Variants in ADGRL4 observed in about 807,000 individuals in gnomAD.
ADGRL4 encodes adhesion G protein-coupled receptor L4, also known as EGF, latrophilin and seven transmembrane domain containing 1.
ADGRL4 carries 90 observed loss-of-function variants against 74.8 expected under a neutral mutation model. That is an observed-to-expected ratio of 1.20 (90% CI 1.02 to 1.43). The LOEUF is 1.43. Ranked by LOEUF, ADGRL4 falls within the 40% of genes most tolerant of loss-of-function variation. The probability of loss-of-function intolerance (pLI) is 0.00; values close to 1 mark genes in which losing one functional copy is unlikely to be tolerated. For missense variants in ADGRL4, 881 were observed against 814.3 expected (o/e 1.08, Z -1.00); for synonymous variants, 311 against 279.2 (o/e 1.11, Z -1.14).
chr1:78,933,622 A>G (rs1056481634), intron 7 of ADGRL4, among the ~76,000 whole-genome samples: 12 of 151,390 alleles, frequency 7.9e-5, no homozygotes, highest in Non-Finnish European at 1.6e-4. Context: ...TTCAAATAGG[A>G]AGAGAGGAAG....
chr1:78,901,267 A>G (rs1265477656), intron 12 of ADGRL4, among the ~76,000 whole-genome samples: 1 of 152,174 alleles, frequency 6.6e-6, no homozygotes, highest in Non-Finnish European at 1.5e-5. Flanking sequence ...TGATCTTTTT[A>G]TAATCTGAGG....
intron 2 of ADGRL4, among the ~76,000 whole-genome samples, chr1:78,974,637 G>T (rs1650241448): frequency 6.6e-6 from 1 of 152,074 alleles, no homozygotes; most frequent in Admixed American, 6.6e-5. Context: ...GTGTCAGCTG[G>T]GTTGACCTCT....
At chr1:78,919,113 A>T (rs1356309596) in intron 10 of ADGRL4, among the ~76,000 whole-genome samples, 1 of 152,010 alleles carries the variant, frequency 6.6e-6, no homozygotes, top group Non-Finnish European at 1.5e-5. Flanking sequence ...TCTAGTGTAT[A>T]CTATTTAAAA....
At chr1:78,983,319 G>T (rs1231906672) in intron 2 of ADGRL4, among the ~76,000 whole-genome samples, 6 of 151,724 alleles carry the variant, frequency 4.0e-5, no homozygotes, top group African/African-American at 1.2e-4. Flanking sequence ...AGACTTATTG[G>T]ATATAGAATA....
chr1:78,955,196 C>T (rs990664326), intron 2 of ADGRL4, among the ~76,000 whole-genome samples: 3 of 152,004 alleles, frequency 2.0e-5, no homozygotes, highest in Non-Finnish European at 2.9e-5. Context: ...TTACTGAGTA[C>T]AGAACCCTCT....
At position 78,922,155 on chromosome 1, in the gene ADGRL4, C is replaced by T. The variant is rs566054603; in HGVS notation, c.1084-369G>A. On this transcript the variant is annotated intron_variant, in intron 8 of 14. Coordinates refer to ENST00000370742, the MANE Select transcript of ADGRL4 (RefSeq NM_022159.4). Reference sequence around the variant, plus strand: ...TGAACAAAACAGAAAAAGTTGTTTGCATTGTTGACATTAAATTCTAGTTAG... The same window carrying T: ...TGAACAAAACAGAAAAAGTTGTTTGTATTGTTGACATTAAATTCTAGTTAG... Among the ~76,000 whole-genome samples the T allele has an allele frequency of 3.9e-5, 6 of 152,062 alleles. No individual in the cohort carries two copies. In the South Asian group the frequency reaches 1.2e-3, roughly 32 times the overall value.
intron 12 of ADGRL4, among the ~76,000 whole-genome samples, chr1:78,904,374 A>G (rs899321462): frequency 2.0e-5 from 3 of 152,078 alleles, no homozygotes; most frequent in African/African-American, 7.2e-5. Context: ...TAAAAAAATG[A>G]AATGCTAATA....
chr1:79,001,911 TAATTA>T (rs1650852362), intron 2 of ADGRL4, among the ~76,000 whole-genome samples: 1 of 152,150 alleles, frequency 6.6e-6, no homozygotes. Context: ...TGATATCTTT[TAATTA>T]TTGTTTTTCT....
chr1:78,922,623 A>G (rs535254987), intron 8 of ADGRL4, among the ~76,000 whole-genome samples: 2 of 151,990 alleles, frequency 1.3e-5, no homozygotes, highest in Non-Finnish European at 2.9e-5. Context: ...AGAAATAAAA[A>G]CTATTTAGTT....
intron 2 of ADGRL4, among the ~76,000 whole-genome samples, chr1:78,982,711 A>G (rs1438360244): frequency 6.6e-6 from 1 of 151,928 alleles, no homozygotes; most frequent in Non-Finnish European, 1.5e-5. Flanking sequence ...TAGAAGATAA[A>G]ACAGCATACT....
Position 78,946,427 on chromosome 1 carries a change from C to A in ADGRL4, c.173-1G>T. 1 of 1,600,546 alleles carries A rather than the reference C, an allele frequency of 6.2e-7. No individual in the cohort carries two copies. On this transcript the variant is annotated splice_acceptor_variant, in intron 2 of 14. Transcript: ENST00000370742. LOFTEE classifies it high-confidence loss of function. ...GTTAAATTTCCACATTCATTATCAT[C>A]TGTTGGCATATGAATTTAAAAGATT... is the stretch of plus-strand genomic sequence containing the variant.
At chr1:78,919,996 T>C (rs903120518) in intron 10 of ADGRL4, among the ~76,000 whole-genome samples, 187 bp downstream of exon 10, 15 of 152,102 alleles carry the variant, frequency 9.9e-5, no homozygotes, top group Admixed American at 7.9e-4. Flanking sequence ...TTTTGCTGAA[T>C]GGACTTGATA....
At chr1:78,932,192 C>T (rs1649257051) in intron 7 of ADGRL4, among the ~76,000 whole-genome samples, 1 of 151,520 alleles carries the variant, frequency 6.6e-6, no homozygotes, top group Non-Finnish European at 1.5e-5. Flanking sequence ...AAACACTCCT[C>T]AGCAAATGCA....
chr1:78,936,525 T>A, intron 6 of ADGRL4, 114 bp from the exon 7 acceptor site: 1 of 958,518 alleles, frequency 1.0e-6, no homozygotes, highest in Non-Finnish European at 1.5e-6. Context: ...AAATTATTTA[T>A]AACAAGTAGA....
At position 79,005,056 on chromosome 1, in the gene ADGRL4, C is replaced by T. The variant is rs2100746305; in HGVS notation, c.172+14G>A. 1 of 1,607,698 alleles carries T rather than the reference C, an allele frequency of 6.2e-7. No individual in the cohort carries two copies. The highest frequency in any genetic ancestry group is 1.7e-4 in the Middle Eastern group (1 of 5,992). On this transcript the variant is annotated intron_variant, in intron 2 of 14. Coordinates refer to ENST00000370742, the MANE Select transcript of ADGRL4 (RefSeq NM_022159.4). The stretch of plus-strand genomic sequence containing the variant: ...TTACAGTATAATCCAAAAGAAGTAA[C>T]AAAGCTTGTTTACCTTCACAAATTG...
chr1:78,935,057 T>C (rs928933582), intron 7 of ADGRL4, among the ~76,000 whole-genome samples: 4 of 152,204 alleles, frequency 2.6e-5, no homozygotes, highest in African/African-American at 4.8e-5. Flanking sequence ...TTACTGGGTA[T>C]GTACCCAAAG....
chr1:78,987,227 C>G (rs190596752), intron 2 of ADGRL4, among the ~76,000 whole-genome samples: 1 of 151,730 alleles, frequency 6.6e-6, no homozygotes, highest in Non-Finnish European at 1.5e-5. Context: ...TCGTGATATA[C>G]TATTTATTGA....
At chr1:78,945,177 A>AAAAAAAAAAATATATATATAT (rs376405445) in intron 3 of ADGRL4, among the ~76,000 whole-genome samples, 1 of 127,938 alleles carries the variant, frequency 7.8e-6, no homozygotes, top group Non-Finnish European at 1.6e-5. Context: ...AAAAAAAAAA[A>AAAAAAAAAAATATATATATAT]ATATATATAT....
intron 2 of ADGRL4, among the ~76,000 whole-genome samples, chr1:79,001,578 A>C (rs1650845694): frequency 6.6e-6 from 1 of 152,134 alleles, no homozygotes; most frequent in Non-Finnish European, 1.5e-5. Flanking sequence ...ATTTTAAGGC[A>C]ATTTGTGAAC....
Sources: gnomAD v4.1 joint callset for allele counts (sites outside exome capture counted in the v4.1 genomes callset) on GRCh38, gnomAD v4.1.1 for gene constraint, MANE v1.5 for transcripts, NCBI Gene and HGNC (gene_info 2026-07-23, HGNC 2026-07-21) for gene names.